Variants in WDR48 observed in about 807,000 individuals in gnomAD.
WDR48 encodes WD repeat-containing protein 48.
A neutral mutation model predicts 94.0 loss-of-function variants in WDR48; 22 were observed. That is an observed-to-expected ratio of 0.23 (90% CI 0.17 to 0.33). The LOEUF (loss-of-function observed/expected upper bound fraction) is 0.33. Ranked by LOEUF, WDR48 falls within the 10% of genes least tolerant of loss-of-function variation. The pLI is 1.00. For missense variants in WDR48, 541 were observed against 813.8 expected, an observed-to-expected ratio of 0.66 and a Z score of 4.08; for synonymous variants, 278 against 280.5, an observed-to-expected ratio of 0.99 and a Z score of 0.09.
At chr3:39,056,832 G>A (rs1411404624) in intron 1 of WDR48, among the ~76,000 whole-genome samples, 1 of 152,190 alleles carries the variant, frequency 6.6e-6, no homozygotes, top group Non-Finnish European at 1.5e-5. Flanking sequence ...AAAGAAGGAG[G>A]CATTAGAATT....
rs527643088 is a variant in WDR48 at position 39,054,258 on chromosome 3, A to G, written c.48+2185A>G. 2.6e-5 allele frequency among the ~76,000 whole-genome samples: 4 copies of G among 151,728 alleles called. No individual in the cohort carries two copies. The East Asian group carries it at 7.7e-4, about 29-fold the overall frequency. On this transcript the variant is annotated intron_variant, in intron 1 of 18. Coordinates refer to ENST00000302313, the MANE Select transcript of WDR48 (RefSeq NM_020839.4). ...CAATGTCATGTTTTAATCCTAGACC[A>G]GAGTTTATCAACCTGAACATTCTTG... is the stretch of plus-strand genomic sequence containing the variant.
intron 7 of WDR48, among the ~76,000 whole-genome samples, chr3:39,073,157 A>G (rs544374188): frequency 1.3e-4 from 20 of 152,308 alleles, no homozygotes; most frequent in South Asian, 6.2e-4. Context: ...TTGCCACCTC[A>G]GAATAACACC....
At chr3:39,077,069 A>C in intron 8 of WDR48, 70 bp from the exon 9 acceptor site, 2 of 1,544,604 alleles carry the variant, frequency 1.3e-6, no homozygotes, top group Non-Finnish European at 1.8e-6. Flanking sequence ...GATATTAATA[A>C]CATATCTAGT....
At chr3:39,067,498 C>G (rs2033678103) in intron 5 of WDR48, among the ~76,000 whole-genome samples, 1 of 152,152 alleles carries the variant, frequency 6.6e-6, no homozygotes, top group African/African-American at 2.4e-5. Flanking sequence ...CTCAGACTAC[C>G]AAGTCAGGCT....
intron 14 of WDR48, chr3:39,087,737 AT>A (rs983951527): frequency 2.5e-5 from 4 of 157,800 alleles, no homozygotes; most frequent in East Asian, 1.8e-4. Flanking sequence ...ATTAAATGTA[AT>A]TTTTTTTTCC....
In WDR48 at chr3:39,074,850, A is replaced by G. The variant is rs778397814; in HGVS notation, c.797A>G (p.His266Arg). The change falls in exon 8 of 19, where the codon CAT becomes CGT. Residue 266 changes from histidine to arginine, a missense_variant. By Grantham distance (29) the His-to-Arg change is conservative. This residue lies in a region of WDR48 where 104 missense variants were observed against 189.7 expected (regional missense o/e 0.55). Transcript: ENST00000302313. Reference sequence around the variant, plus strand: ...CTGCAAGTCAATGATGCCTTCACACATGTGTATTCTGGTGGAAGGGACAGG... The same window carrying G: ...CTGCAAGTCAATGATGCCTTCACACGTGTGTATTCTGGTGGAAGGGACAGG... ...WALQVNDAFT[H>R]VYSGGRDRKI... 6.2e-7 allele frequency: 1 copy of G among 1,614,222 alleles called. No individual in the cohort carries two copies. Among genetic ancestry groups the G allele is most frequent in the Non-Finnish European group, 8.5e-7 (1 of 1,180,036 alleles).
At chr3:39,094,479 A>G in intron 18 of WDR48, 169 bp from the exon 19 acceptor site, 1 of 1,534,980 alleles carries the variant, frequency 6.5e-7, no homozygotes, top group Non-Finnish European at 8.7e-7. Flanking sequence ...ACATCTCACT[A>G]AGCTCAATTT....
intron 10 of WDR48, among the ~76,000 whole-genome samples, chr3:39,079,459 G>T (rs1260032085): frequency 6.6e-6 from 1 of 152,212 alleles, no homozygotes; most frequent in African/African-American, 2.4e-5. Flanking sequence ...CCCTTGACAT[G>T]AAGAGCCCTT....
At chr3:39,076,387 T>A (rs1236794797) in intron 8 of WDR48, among the ~76,000 whole-genome samples, 10 of 152,170 alleles carry the variant, frequency 6.6e-5, no homozygotes, top group Admixed American at 2.0e-4. Flanking sequence ...GGAGAAACAC[T>A]CTGCATTATG....
chr3:39,092,212 G>T (rs2035111701), intron 17 of WDR48, among the ~76,000 whole-genome samples: 1 of 152,148 alleles, frequency 6.6e-6, no homozygotes, highest in African/African-American at 2.4e-5. Flanking sequence ...TTTGTCTGTT[G>T]CCTTAATTCA....
intron 1 of WDR48, among the ~76,000 whole-genome samples, chr3:39,054,720 G>C (rs1350222471): frequency 6.6e-6 from 1 of 152,136 alleles, no homozygotes; most frequent in East Asian, 1.9e-4. Flanking sequence ...CCTGAGACTG[G>C]CTCATTTATA....
chr3:39,071,070 T>A (rs893165796), intron 7 of WDR48, among the ~76,000 whole-genome samples: 20 of 151,622 alleles, frequency 1.3e-4, no homozygotes, highest in Non-Finnish European at 2.9e-4. Flanking sequence ...ATTTTCTTAA[T>A]CCAGTCTATC....
chr3:39,089,159 C>A, intron 15 of WDR48, 72 bp from the exon 16 acceptor site: 1 of 1,383,966 alleles, frequency 7.2e-7, no homozygotes. Flanking sequence ...GTTCCTCCCG[C>A]TAATATTTGT....
chr3:39,085,974 A>G (rs1223083302), intron 14 of WDR48, among the ~76,000 whole-genome samples: 3 of 152,260 alleles, frequency 2.0e-5, no homozygotes, highest in Non-Finnish European at 4.4e-5. Context: ...TAGCTGCATC[A>G]GAAAGCCAGG....
intron 17 of WDR48, 87 bp from the exon 18 acceptor site, chr3:39,093,787 A>T: frequency 7.7e-7 from 1 of 1,304,234 alleles, no homozygotes; most frequent in Non-Finnish European, 1.0e-6. Context: ...TTCATCTTTA[A>T]AATGTTTGCA....
chr3:39,068,725 A>C (rs1420272662), intron 5 of WDR48, 46 bp from the exon 6 acceptor site: 1 of 1,449,758 alleles, frequency 6.9e-7, no homozygotes, highest in Non-Finnish European at 9.5e-7. Context: ...TAGTTACTAA[A>C]CAGCTGATGA....
At chr3:39,070,199 T>C (rs2033848146) in intron 7 of WDR48, among the ~76,000 whole-genome samples, 1 of 152,206 alleles carries the variant, frequency 6.6e-6, no homozygotes, top group Non-Finnish European at 1.5e-5. Flanking sequence ...AAGAAAAACA[T>C]TTTGGTAATG....
At chr3:39,060,546 A>G (rs2033194330) in intron 1 of WDR48, among the ~76,000 whole-genome samples, 1 of 152,190 alleles carries the variant, frequency 6.6e-6, no homozygotes, top group East Asian at 1.9e-4. Flanking sequence ...ACATTCTTGT[A>G]CATAGAAAAG....
At chr3:39,060,784 G>A (rs1160637428) in intron 1 of WDR48, among the ~76,000 whole-genome samples, 1 of 152,014 alleles carries the variant, frequency 6.6e-6, no homozygotes, top group Non-Finnish European at 1.5e-5. Flanking sequence ...TGGCCAACAT[G>A]GTGAAACCAC....
Sources: gnomAD v4.1 joint callset for allele counts (sites outside exome capture counted in the v4.1 genomes callset) on GRCh38, gnomAD v4.1.1 for gene constraint, gnomAD v4.1.1 regional missense constraint, MANE v1.5 for transcripts, NCBI Gene and HGNC (gene_info 2026-07-23, HGNC 2026-07-21) for gene names.